The following CFAP54 variants were observed in gnomAD, a reference collection of about 807,000 sequenced individuals.
CFAP54 encodes the protein cilia and flagella associated protein 54.
Under a neutral mutation model 370.4 loss-of-function variants are expected in CFAP54, and 290 were observed. That is an observed-to-expected ratio of 0.78 (90% CI 0.71 to 0.86). The LOEUF is 0.86. CFAP54 is among the 40% of genes least tolerant of loss of function. The pLI is 0.00. For synonymous variants in CFAP54, 1,206 were observed against 1,236.5 expected (o/e 0.98, Z 0.52); for missense variants, 3,399 against 3,528.7 (o/e 0.96, Z 0.93).
intron 26 of CFAP54, among the ~76,000 whole-genome samples, chr12:96,610,393 G>T (rs987633991): frequency 2.0e-5 from 3 of 151,808 alleles, no homozygotes; most frequent in Non-Finnish European, 4.4e-5. Flanking sequence ...AAATTCAAAA[G>T]ATAAACAGGG....
At chr12:96,571,941 C>T (rs1022496745) in intron 19 of CFAP54, among the ~76,000 whole-genome samples, 2 of 152,158 alleles carry the variant, frequency 1.3e-5, no homozygotes, top group South Asian at 2.1e-4. Context: ...TTGTTATAAA[C>T]TTTTCTTTTG....
At chr12:96,698,513 T>C (rs1957458751) in intron 45 of CFAP54, among the ~76,000 whole-genome samples, 1 of 152,116 alleles carries the variant, frequency 6.6e-6, no homozygotes, top group Non-Finnish European at 1.5e-5. Flanking sequence ...TGAGATCATG[T>C]CCTTTGCAGC....
intron 66 of CFAP54, among the ~76,000 whole-genome samples, chr12:96,860,520 A>G (rs190322843): frequency 1.2e-4 from 18 of 152,354 alleles, no homozygotes; most frequent in African/African-American, 4.1e-4. Context: ...TCAATCTGTT[A>G]TGCAGGAAAG....
intron 67 of CFAP54, among the ~76,000 whole-genome samples, chr12:96,867,270 G>A (rs1960029276): frequency 2.0e-5 from 3 of 152,084 alleles, no homozygotes; most frequent in African/African-American, 4.8e-5. Context: ...TGGCAAAAAT[G>A]TCCTTTCTCT....
chr12:96,748,285 T>C (rs1958140328), intron 55 of CFAP54, among the ~76,000 whole-genome samples: 1 of 152,242 alleles, frequency 6.6e-6, no homozygotes. Flanking sequence ...CAGATTTTAC[T>C]GAGATAATTT....
At chr12:96,571,436 T>C (rs1955915676) in intron 19 of CFAP54, among the ~76,000 whole-genome samples, 1 of 152,162 alleles carries the variant, frequency 6.6e-6, no homozygotes, top group African/African-American at 2.4e-5. Context: ...TGAGTCCCCG[T>C]GATAGGTAAA....
intron 26 of CFAP54, among the ~76,000 whole-genome samples, chr12:96,601,451 A>G (rs1202962191): frequency 6.6e-6 from 1 of 152,216 alleles, no homozygotes; most frequent in Non-Finnish European, 1.5e-5. Flanking sequence ...CTTTGGTATC[A>G]GCATGATGCT....
intron 1 of CFAP54, among the ~76,000 whole-genome samples, chr12:96,493,754 C>T (rs139433988): frequency 5.3e-4 from 80 of 152,186 alleles, no homozygotes; most frequent in African/African-American, 1.8e-3. Flanking sequence ...GCCAAGATCG[C>T]GCCAGTGCAC....
At chr12:96,827,029 AT>A (rs1959124203) in intron 65 of CFAP54, among the ~76,000 whole-genome samples, 1 of 131,748 alleles carries the variant, frequency 7.6e-6, no homozygotes, top group African/African-American at 3.0e-5. Context: ...ATTATATGTG[AT>A]TATATATAAT....
intron 50 of CFAP54, among the ~76,000 whole-genome samples, chr12:96,726,838 C>T (rs1957846220): frequency 6.6e-6 from 1 of 151,072 alleles, no homozygotes; most frequent in South Asian, 2.1e-4. Context: ...CCTCTACACA[C>T]TGCTTTGAAT....
intron 66 of CFAP54, among the ~76,000 whole-genome samples, chr12:96,834,596 TTGGCAG>T (rs1959180324): frequency 6.6e-6 from 1 of 152,176 alleles, no homozygotes; most frequent in South Asian, 2.1e-4. Context: ...GCTTCCTTGG[TTGGCAG>T]TGGGGAACAC....
chr12:96,671,164 G>A (rs1052045592), intron 39 of CFAP54, among the ~76,000 whole-genome samples: 3 of 151,980 alleles, frequency 2.0e-5, no homozygotes, highest in Admixed American at 6.6e-5. Context: ...TAGAGATGGG[G>A]TTTCACCATG....
At chr12:96,501,383 T>C (rs1481888922) in intron 2 of CFAP54, among the ~76,000 whole-genome samples, 1 of 152,248 alleles carries the variant, frequency 6.6e-6, no homozygotes, top group African/African-American at 2.4e-5. Flanking sequence ...ATTAAACTCT[T>C]TCAACTCTTT....
At chr12:96,713,645 A>C (rs923048016) in intron 48 of CFAP54, among the ~76,000 whole-genome samples, 1 of 152,200 alleles carries the variant, frequency 6.6e-6, no homozygotes, top group Non-Finnish European at 1.5e-5. Context: ...TGTGGGTTAC[A>C]TGGTAACAAG....
chr12:96,605,134 T>C (rs1956287331), intron 26 of CFAP54, among the ~76,000 whole-genome samples: 1 of 151,940 alleles, frequency 6.6e-6, no homozygotes, highest in Admixed American at 6.5e-5. Context: ...GTATATTTTA[T>C]AAGCATTATA....
At position 96,679,635 on chromosome 12, in the gene CFAP54, G is replaced by A. The variant is rs146798544; in HGVS notation, c.5599G>A (p.Val1867Met). ...SRAKALVCVP[V>M]DVTDTLRCFR... ...AGCCAAAGCGCTTGTCTGCGTGCCC[G>A]TGGACGTGACAGACACCTTGAGGTG... The change falls in exon 40 of 68, where the codon GTG becomes ATG. Residue 1867 changes from valine to methionine, a missense_variant. This residue lies in a region of CFAP54 where 2,796 missense variants were observed against 2,869.7 expected (regional missense o/e 0.97). Transcript: ENST00000524981. 2.3e-5 allele frequency: 37 copies of A among 1,613,014 alleles called. No individual in the cohort carries two copies. Among genetic ancestry groups the A allele is most frequent in the Non-Finnish European group, 2.7e-5 (32 of 1,179,470 alleles).
chr12:96,691,144 C>CA lies in CFAP54; in HGVS notation c.6099dup (p.Leu2034ThrfsTer7), dbSNP rs761892506. On this transcript the variant is annotated frameshift_variant, in exon 44 of 68. Coordinates refer to ENST00000524981, the MANE Select transcript of CFAP54 (RefSeq NM_001306084.2). LOFTEE classifies it high-confidence loss of function. ...CATTTTCAGGGTTTGCTTAGAACAA[C>CA]ACTTCCACATCCCAAAGCTGAACGT... The CA allele has an allele frequency of 1.9e-6, 3 of 1,613,248 alleles. No homozygotes were observed. Among genetic ancestry groups the CA allele is most frequent in the Non-Finnish European group, 2.5e-6 (3 of 1,179,610 alleles).
intron 22 of CFAP54, among the ~76,000 whole-genome samples, chr12:96,586,551 C>G (rs1956077622): frequency 6.6e-6 from 1 of 152,024 alleles, no homozygotes; most frequent in Non-Finnish European, 1.5e-5. Context: ...GGGGGAAGAG[C>G]ATTTACAGAA....
intron 5 of CFAP54, among the ~76,000 whole-genome samples, chr12:96,514,459 T>C (rs1282258366): frequency 1.3e-5 from 2 of 152,344 alleles, no homozygotes; most frequent in Non-Finnish European, 2.9e-5. Flanking sequence ...AGGCCTAATG[T>C]AAACTTGGCC....
Sources: gnomAD v4.1 joint callset for allele counts (sites outside exome capture counted in the v4.1 genomes callset) on GRCh38, gnomAD v4.1.1 for gene constraint, gnomAD v4.1.1 regional missense constraint, MANE v1.5 for transcripts, NCBI Gene and HGNC (gene_info 2026-07-23, HGNC 2026-07-21) for gene names.